The following RBFOX1 variants were observed in gnomAD, a reference collection of about 807,000 sequenced individuals.
The protein encoded by RBFOX1 is RNA binding protein fox-1 homolog 1.
Under a neutral mutation model 57.7 loss-of-function variants are expected in RBFOX1, and 8 were observed. That is an observed-to-expected ratio of 0.14 (90% CI 0.08 to 0.25). RBFOX1 has a LOEUF of 0.25. Ranked by LOEUF, RBFOX1 falls within the 10% of genes least tolerant of loss-of-function variation. The pLI, the probability that RBFOX1 is intolerant of heterozygous loss-of-function variation, is 1.00. For synonymous variants in RBFOX1, 326 were observed against 222.4 expected (o/e 1.47, Z -4.15); for missense variants, 611 against 548.5 (o/e 1.11, Z -1.14).
intron 3 of RBFOX1, among the ~76,000 whole-genome samples, chr16:5,618,535 C>T (rs2048114561): frequency 1.3e-5 from 2 of 152,134 alleles, no homozygotes; most frequent in South Asian, 2.1e-4. Flanking sequence ...GTTGGGGTTT[C>T]ACCGTGTTAG....
chr16:6,756,130 C>A (rs970801538), intron 3 of RBFOX1, among the ~76,000 whole-genome samples: 1 of 152,116 alleles, frequency 6.6e-6, no homozygotes, highest in East Asian at 1.9e-4. Flanking sequence ...CTTTAAAAAT[C>A]TTCAACATTT....
At chr16:6,898,947 G>A (rs1260336995) in intron 3 of RBFOX1, among the ~76,000 whole-genome samples, 5 of 151,270 alleles carry the variant, frequency 3.3e-5, no homozygotes, top group African/African-American at 9.7e-5. Context: ...GTGTATATGT[G>A]TATAATACAT....
rs375042676 is a variant in RBFOX1 at position 7,333,104 on chromosome 16, T to C, written c.28-185043T>C. 9 of 1,609,124 alleles carry C rather than the reference T, an allele frequency of 5.6e-6. No homozygotes were observed. In the Admixed American group the frequency reaches 8.3e-5, roughly 15 times the overall value. On this transcript the variant is annotated intron_variant, in intron 4 of 15. Transcript: ENST00000550418. ...ACTGATTCAGGTAATTCAAGGCCTC[T>C]GCCAGCCAGCAACTTAACTCCAGAG...
At chr16:5,958,987 G>A (rs2059699440) in intron 4 of RBFOX1, among the ~76,000 whole-genome samples, 1 of 152,184 alleles carries the variant, frequency 6.6e-6, no homozygotes, top group African/African-American at 2.4e-5. Flanking sequence ...TGACATATTT[G>A]CAAGTTCCAG....
At position 7,342,309 on chromosome 16, in the gene RBFOX1, G is replaced by A. The variant is rs554323284; in HGVS notation, c.28-175838G>A. Among the ~76,000 whole-genome samples, 4 of 152,232 alleles carry A rather than the reference G, an allele frequency of 2.6e-5. No individual in the cohort carries two copies. In the East Asian group the frequency reaches 7.8e-4, roughly 30 times the overall value. On this transcript the variant is annotated intron_variant, in intron 4 of 15. Coordinates refer to ENST00000550418, the MANE Select transcript of RBFOX1 (RefSeq NM_018723.4). ...GCAGCAAGACAGGATGCCTAGGGCT[G>A]GGCTTCCAACTCAGATCTTCCCACT...
At chr16:6,676,726 A>G (rs184165920) in intron 3 of RBFOX1, among the ~76,000 whole-genome samples, 6 of 122,522 alleles carry the variant, frequency 4.9e-5, no homozygotes, top group East Asian at 2.4e-4. Context: ...CCCAGGCTGG[A>G]GTGCCATGGT....
chr16:5,905,880 C>T (rs921893369), intron 4 of RBFOX1, among the ~76,000 whole-genome samples: 1 of 152,162 alleles, frequency 6.6e-6, no homozygotes, highest in African/African-American at 2.4e-5. Flanking sequence ...TCCTAATTTC[C>T]CTCTTTAGAA....
intron 3 of RBFOX1, among the ~76,000 whole-genome samples, chr16:6,801,828 T>C (rs907459327): frequency 1.3e-5 from 2 of 152,126 alleles, no homozygotes; most frequent in Non-Finnish European, 2.9e-5. Flanking sequence ...ACCTTCTAAG[T>C]TGTATGTCTA....
chr16:7,456,512 C>A (rs2058543270), intron 4 of RBFOX1, among the ~76,000 whole-genome samples: 1 of 152,188 alleles, frequency 6.6e-6, no homozygotes, highest in African/African-American at 2.4e-5. Flanking sequence ...GGTTGCAAGT[C>A]CCTCTATGCT....
At chr16:6,848,162 A>G (rs28735840) in intron 3 of RBFOX1, among the ~76,000 whole-genome samples, 104 of 152,030 alleles carry the variant, frequency 6.8e-4, no homozygotes, top group African/African-American at 2.3e-3. Context: ...GTTACCCCAC[A>G]AGGAGGCTGA....
chr16:7,405,712 G>A (rs1373995374), intron 4 of RBFOX1, among the ~76,000 whole-genome samples: 1 of 152,202 alleles, frequency 6.6e-6, no homozygotes, highest in Non-Finnish European at 1.5e-5. Context: ...AGCCTTCCCT[G>A]TTACCAGAAA....
At chr16:7,544,587 C>G (rs1362784516) in intron 5 of RBFOX1, among the ~76,000 whole-genome samples, 2 of 152,044 alleles carry the variant, frequency 1.3e-5, no homozygotes, top group Non-Finnish European at 2.9e-5. Context: ...CCAGGAGCTA[C>G]CAGGATCTAG....
At chr16:7,284,450 C>T (rs890781560) in intron 4 of RBFOX1, among the ~76,000 whole-genome samples, 22 of 152,156 alleles carry the variant, frequency 1.4e-4, no homozygotes, top group African/African-American at 5.1e-4. Flanking sequence ...CCCACCTCAG[C>T]CTCCTGAGTA....
In RBFOX1 at chr16:6,445,489, G is replaced by A. The variant is rs576199721; in HGVS notation, c.-64+128432G>A. 2.5e-3 allele frequency among the ~76,000 whole-genome samples: 374 copies of A among 151,106 alleles called. 2 individuals are homozygous for A. The highest frequency in any genetic ancestry group is 8.3e-3 in the African/African-American group (342 of 41,106). ...TGATTATAGTCAGTTCCTGCAAAGAGCTGGTATAGAATGAGACAAGCCAAG... is the reference window on the plus strand; with the variant it reads ...TGATTATAGTCAGTTCCTGCAAAGAACTGGTATAGAATGAGACAAGCCAAG... On this transcript the variant is annotated intron_variant, in intron 2 of 15. Coordinates refer to ENST00000550418, the MANE Select transcript of RBFOX1 (RefSeq NM_018723.4).
chr16:7,009,239 G>C (rs1464673069), intron 3 of RBFOX1, among the ~76,000 whole-genome samples: 2 of 106,074 alleles, frequency 1.9e-5, no homozygotes, highest in East Asian at 4.8e-4. Context: ...TTTTCTTCTT[G>C]TCTACTTCCT....
chr16:6,361,262 C>T (rs1450948677), intron 2 of RBFOX1, among the ~76,000 whole-genome samples: 1 of 152,080 alleles, frequency 6.6e-6, no homozygotes, highest in Non-Finnish European at 1.5e-5. Flanking sequence ...CACTGCTCAG[C>T]AGGGCAAATT....
At chr16:6,997,037 C>G (rs910606738) in intron 3 of RBFOX1, among the ~76,000 whole-genome samples, 1 of 152,018 alleles carries the variant, frequency 6.6e-6, no homozygotes, top group Admixed American at 6.6e-5. Flanking sequence ...TTTATATGCA[C>G]GTATTTATAA....
At chr16:7,698,312 G>A (rs986409081) in intron 14 of RBFOX1, among the ~76,000 whole-genome samples, 1 of 151,896 alleles carries the variant, frequency 6.6e-6, no homozygotes, top group Non-Finnish European at 1.5e-5. Flanking sequence ...CAAATCTGGG[G>A]ACATGTTTTC....
rs535943116 is a variant in RBFOX1, at chr16:7,271,792, C to T, written c.27+219694C>T. On this transcript the variant is annotated intron_variant, in intron 4 of 15. Transcript: ENST00000550418. Reference sequence around the variant, plus strand: ...TCCATAGCTAAGGGTCTCTTAGGCTCTTATTGTAAATGTCTGGGTTTCACT... The same window carrying T: ...TCCATAGCTAAGGGTCTCTTAGGCTTTTATTGTAAATGTCTGGGTTTCACT... Among the ~76,000 whole-genome samples, 8 of 151,728 alleles carry T rather than the reference C, an allele frequency of 5.3e-5. No individual in the cohort carries two copies. The South Asian group carries it at 6.3e-4, about 12-fold the overall frequency.
Sources: gnomAD v4.1 joint callset for allele counts (sites outside exome capture counted in the v4.1 genomes callset) on GRCh38, gnomAD v4.1.1 for gene constraint, MANE v1.5 for transcripts, NCBI Gene and HGNC (gene_info 2026-07-23, HGNC 2026-07-21) for gene names.